TEAD1: variants seen among roughly 807,000 people sequenced by gnomAD.
TEAD1 encodes transcriptional enhancer factor TEF-1.
TEAD1 carries 9 observed loss-of-function variants against 54.9 expected under a neutral mutation model. The ratio of observed to expected loss-of-function variants is 0.16; its 90% CI spans 0.10 to 0.29. The LOEUF is 0.29. TEAD1 is among the 10% of genes least tolerant of loss of function. TEAD1 has a pLI of 1.00. For synonymous variants in TEAD1, 200 were observed against 187.8 expected (o/e 1.07, Z -0.53); for missense variants, 387 against 535.9 (o/e 0.72, Z 2.74).
intron 3 of TEAD1, among the ~76,000 whole-genome samples, chr11:12,832,650 A>G (rs1306759761): frequency 6.6e-6 from 1 of 152,242 alleles, no homozygotes; most frequent in Non-Finnish European, 1.5e-5. Context: ...TTTAAGAACC[A>G]TTTGATTCTC....
At position 12,922,192 on chromosome 11, in the gene TEAD1, CTTTTTTTTTTTT is replaced by C. The variant is rs756723520; in HGVS notation, c.874-2709_874-2698del. Among the ~76,000 whole-genome samples the C allele has an allele frequency of 2.0e-3, 188 of 94,502 alleles. 52 individuals are homozygous for C. Among genetic ancestry groups the C allele is most frequent in the Non-Finnish European group, 3.3e-3 (159 of 47,576 alleles). 62.0% of individuals were successfully genotyped at this position (94,502 alleles called of 152,430 possible). ...AGGGGAATGTGGAGTACATGGTTCTCTTTTTTTTTTTTTTTTTTTTTTGAGACGGAGTCTCGC... is the reference window on the plus strand; with the variant it reads ...AGGGGAATGTGGAGTACATGGTTCTCTTTTTTTTTTGAGACGGAGTCTCGC... On this transcript the variant is annotated intron_variant, in intron 10 of 12. Transcript: ENST00000527636.
At chr11:12,702,376 C>A (rs1036469949) in intron 2 of TEAD1, among the ~76,000 whole-genome samples, 5 of 152,196 alleles carry the variant, frequency 3.3e-5, no homozygotes, top group African/African-American at 1.2e-4. Flanking sequence ...TCCCTCGACA[C>A]CACTCCCTCT....
chr11:12,777,290 T>G (rs770984140), intron 3 of TEAD1, among the ~76,000 whole-genome samples: 23 of 152,170 alleles, frequency 1.5e-4, no homozygotes, highest in Admixed American at 1.0e-3. Flanking sequence ...TTACAGCTTC[T>G]GGGGTAATAT....
intron 2 of TEAD1, among the ~76,000 whole-genome samples, chr11:12,691,156 C>G (rs1403349283): frequency 6.6e-6 from 1 of 152,166 alleles, no homozygotes; most frequent in African/African-American, 2.4e-5. Flanking sequence ...TATCATTAGG[C>G]AATCACTGAT....
intron 11 of TEAD1, among the ~76,000 whole-genome samples, chr11:12,925,993 A>G (rs1032109574): frequency 6.6e-6 from 1 of 152,000 alleles, no homozygotes; most frequent in African/African-American, 2.4e-5. Flanking sequence ...AAAAAGATGT[A>G]TATTTGTTTG....
intron 3 of TEAD1, among the ~76,000 whole-genome samples, chr11:12,821,993 T>C (rs1436878620): frequency 7.9e-6 from 1 of 126,242 alleles, no homozygotes; most frequent in Non-Finnish European, 1.6e-5. Flanking sequence ...AGACAGAGTC[T>C]CTCTCTGTCA....
intron 3 of TEAD1, among the ~76,000 whole-genome samples, chr11:12,790,658 A>C (rs1015291773): frequency 2.6e-5 from 4 of 152,222 alleles, no homozygotes; most frequent in African/African-American, 9.6e-5. Context: ...ATCTTTATTT[A>C]CTGATTCAAA....
intron 3 of TEAD1, among the ~76,000 whole-genome samples, chr11:12,817,048 C>CG (rs1490775491): frequency 6.6e-6 from 1 of 152,180 alleles, no homozygotes; most frequent in African/African-American, 2.4e-5. Context: ...CATGTTCACT[C>CG]GCTGCTGGAT....
intron 9 of TEAD1, among the ~76,000 whole-genome samples, chr11:12,883,657 A>G (rs1276282296): frequency 6.6e-6 from 1 of 152,114 alleles, no homozygotes; most frequent in Non-Finnish European, 1.5e-5. Flanking sequence ...CTGTTATTCC[A>G]TACTCTCTTT....
intron 2 of TEAD1, among the ~76,000 whole-genome samples, chr11:12,680,292 A>G (rs901357891): frequency 7.2e-5 from 11 of 152,246 alleles, no homozygotes; most frequent in Non-Finnish European, 1.6e-4. Flanking sequence ...ATCCTCCAGG[A>G]ATCAATTTTA....
At chr11:12,765,270 AC>A (rs796292574) in intron 3 of TEAD1, among the ~76,000 whole-genome samples, 1 of 152,190 alleles carries the variant, frequency 6.6e-6, no homozygotes, top group African/African-American at 2.4e-5. Context: ...CCAGCTGCAG[AC>A]CTGTACTTTT....
chr11:12,703,427 C>T (rs185062982), intron 2 of TEAD1, among the ~76,000 whole-genome samples: 28 of 152,298 alleles, frequency 1.8e-4, no homozygotes, highest in Non-Finnish European at 3.4e-4. Flanking sequence ...AGCAAGTGCT[C>T]AGAAATGGGG....
chr11:12,778,550 TA>T (rs1229801551), intron 3 of TEAD1, among the ~76,000 whole-genome samples: 6 of 142,896 alleles, frequency 4.2e-5, no homozygotes, highest in Admixed American at 3.4e-4. Context: ...TTTTTTTTTT[TA>T]AACTGTAGTA....
intron 2 of TEAD1, among the ~76,000 whole-genome samples, chr11:12,733,038 T>C (rs1475013918): frequency 6.6e-6 from 1 of 152,206 alleles, no homozygotes; most frequent in African/African-American, 2.4e-5. Context: ...ATTCATGGTA[T>C]GAAGGCAGCA....
intron 12 of TEAD1, among the ~76,000 whole-genome samples, chr11:12,932,617 G>A (rs544555552): frequency 1.3e-5 from 2 of 152,276 alleles, no homozygotes; most frequent in East Asian, 1.9e-4. Flanking sequence ...CGGACCACGT[G>A]TATGGTAGTG....
intron 2 of TEAD1, among the ~76,000 whole-genome samples, chr11:12,761,756 A>G (rs75998965): frequency 0.013 from 2,024 of 152,288 alleles, 40 homozygotes; most frequent in African/African-American, 0.046. Context: ...AGGATGGGGT[A>G]TACTCTCAAG....
At chr11:12,682,651 C>T (rs1943246689) in intron 2 of TEAD1, among the ~76,000 whole-genome samples, 1 of 152,132 alleles carries the variant, frequency 6.6e-6, no homozygotes, top group South Asian at 2.1e-4. Flanking sequence ...TCCAGATGCT[C>T]CTGGTTTTCA....
At chr11:12,770,357 A>T (rs1014358187) in intron 3 of TEAD1, among the ~76,000 whole-genome samples, 3 of 152,220 alleles carry the variant, frequency 2.0e-5, no homozygotes, top group Non-Finnish European at 4.4e-5. Context: ...AGAACATGAA[A>T]GTATTACCAA....
At chr11:12,884,266 C>T (rs1004627403) in intron 9 of TEAD1, among the ~76,000 whole-genome samples, 3 of 152,122 alleles carry the variant, frequency 2.0e-5, no homozygotes, top group African/African-American at 4.8e-5. Flanking sequence ...TGAGTATGAG[C>T]GTTGCATCTG....
Sources: allele counts gnomAD v4.1 joint callset (sites outside exome capture counted in the v4.1 genomes callset), GRCh38; gene constraint gnomAD v4.1.1; transcripts MANE v1.5; gene names NCBI Gene and HGNC (gene_info 2026-07-23, HGNC 2026-07-21).